The following IGF1R variants were observed in gnomAD, a reference collection of about 807,000 sequenced individuals.
The protein encoded by IGF1R is insulin-like growth factor 1 receptor.
Under a neutral mutation model 144.6 loss-of-function variants are expected in IGF1R, and 44 were observed. That is an observed-to-expected ratio of 0.30 (90% confidence interval 0.24 to 0.39). The LOEUF is 0.39. Among genes scored for constraint, IGF1R ranks in the 10% least tolerant of loss-of-function variants. The pLI, the probability that IGF1R is intolerant of heterozygous loss-of-function variation, is 1.00. For missense variants in IGF1R, 1,355 were observed against 1,833.7 expected, an observed-to-expected ratio of 0.74 and a Z score of 4.77; for synonymous variants, 795 against 722.8, an observed-to-expected ratio of 1.10 and a Z score of -1.60.
At chr15:98,868,053 T>G (rs140621540) in intron 2 of IGF1R, among the ~76,000 whole-genome samples, 7 of 151,962 alleles carry the variant, frequency 4.6e-5, no homozygotes, top group South Asian at 2.1e-4. Flanking sequence ...ATACAAAAAT[T>G]AGATGGTTGT....
intron 5 of IGF1R, 56 bp downstream of exon 5, chr15:98,899,677 T>C: frequency 6.4e-7 from 1 of 1,567,964 alleles, no homozygotes. Flanking sequence ...GCAGCGTGCT[T>C]ATGAAACTGT....
At chr15:98,818,330 A>T (rs1280605988) in intron 2 of IGF1R, among the ~76,000 whole-genome samples, 2 of 152,170 alleles carry the variant, frequency 1.3e-5, no homozygotes, top group Non-Finnish European at 2.9e-5. Flanking sequence ...AAGAGTGAGA[A>T]TTTACTCAAT....
intron 2 of IGF1R, among the ~76,000 whole-genome samples, chr15:98,768,884 C>T (rs1433129239): frequency 5.9e-5 from 9 of 151,746 alleles, no homozygotes; most frequent in Admixed American, 3.3e-4. Flanking sequence ...GCGGAGATCA[C>T]ACCACTGCAC....
chr15:98,874,979 A>C (rs1394564130), intron 2 of IGF1R, among the ~76,000 whole-genome samples: 1 of 152,188 alleles, frequency 6.6e-6, no homozygotes, highest in African/African-American at 2.4e-5. Context: ...TTCAGGTCAC[A>C]CTGATTGTTT....
intron 2 of IGF1R, among the ~76,000 whole-genome samples, chr15:98,817,198 A>G (rs2056712054): frequency 6.6e-6 from 1 of 152,042 alleles, no homozygotes; most frequent in Non-Finnish European, 1.5e-5. Flanking sequence ...GCTACTCGGG[A>G]GTCTGAAGCA....
rs140195279 is a variant in IGF1R at position 98,961,953 on chromosome 15, C to T, written c.*4511C>T. The T allele has an allele frequency of 1.5e-4, 36 of 233,286 alleles. No individual in the cohort carries two copies. Among genetic ancestry groups the T allele is most frequent in the East Asian group, 7.2e-4 (12 of 16,592 alleles). The allele number at this position is 233,286 out of a possible 1,614,324, so 14.5% of individuals were successfully genotyped here. ...CAGTCACTGTGGAACTACCAAATGGCGAGATGCTCGGTGCACATTGGGGTG... is the reference window on the plus strand; with the variant it reads ...CAGTCACTGTGGAACTACCAAATGGTGAGATGCTCGGTGCACATTGGGGTG... On this transcript the variant is annotated 3_prime_UTR_variant, in exon 21 of 21. Coordinates refer to ENST00000650285, the MANE Select transcript of IGF1R (RefSeq NM_000875.5).
intron 2 of IGF1R, among the ~76,000 whole-genome samples, chr15:98,801,385 A>C (rs1050801596): frequency 1.3e-5 from 2 of 152,234 alleles, no homozygotes; most frequent in Admixed American, 1.3e-4. Flanking sequence ...TGGGGGCAGA[A>C]CAAAGAGAGC....
intron 2 of IGF1R, among the ~76,000 whole-genome samples, chr15:98,855,795 T>C (rs2141571674): frequency 6.6e-6 from 1 of 152,330 alleles, no homozygotes; most frequent in African/African-American, 2.4e-5. Flanking sequence ...GACCAGTACT[T>C]GGAGCACAAC....
chr15:98,689,357 G>A (rs1157918680), intron 1 of IGF1R, among the ~76,000 whole-genome samples: 2 of 149,828 alleles, frequency 1.3e-5, no homozygotes, highest in African/African-American at 4.9e-5. Context: ...TCCTGCCTCA[G>A]CCTCCCAAGT....
chr15:98,796,339 T>G (rs1420712603), intron 2 of IGF1R, among the ~76,000 whole-genome samples: 1 of 152,228 alleles, frequency 6.6e-6, no homozygotes, highest in Non-Finnish European at 1.5e-5. Context: ...CTTTTCATTC[T>G]TGGAAAGATT....
chr15:98,725,050 A>C (rs1397278614), intron 2 of IGF1R, among the ~76,000 whole-genome samples: 1 of 152,246 alleles, frequency 6.6e-6, no homozygotes, highest in East Asian at 1.9e-4. Context: ...CTGAAGGCCC[A>C]GCTGGGGTTA....
Position 98,916,809 on chromosome 15 carries a change from G to A in IGF1R, c.2134G>A (p.Glu712Lys), listed in dbSNP as rs2151683124. 2.5e-6 allele frequency: 4 copies of A among 1,614,108 alleles called. No individual in the cohort carries two copies. The highest frequency in any genetic ancestry group is 3.4e-6 in the Non-Finnish European group (4 of 1,180,030). Reference sequence around the variant, plus strand: ...CAAAACTGAAGCCGAGAAGCAGGCCGAGAAGGAGGAGGCTGAATACCGCAA... The same window carrying A: ...CAAAACTGAAGCCGAGAAGCAGGCCAAGAAGGAGGAGGCTGAATACCGCAA... The part of the protein sequence containing the change: ...CPKTEAEKQA[E>K]KEEAEYRKVF... The change falls in exon 10 of 21, where the codon GAG (glutamate) becomes AAG (lysine). Residue 712 changes from glutamate to lysine, a missense_variant. Glu to Lys is a moderately conservative substitution (Grantham distance 56). This residue lies in a region of IGF1R where 880 missense variants were observed against 1,202.7 expected (regional missense o/e 0.73). Transcript: ENST00000650285.
At chr15:98,878,702 CAAA>C (rs988623885) in intron 2 of IGF1R, among the ~76,000 whole-genome samples, 5 of 90,900 alleles carry the variant, frequency 5.5e-5, no homozygotes, top group African/African-American at 1.7e-4. Flanking sequence ...AAAACAACAA[CAAA>C]AAAAAGGCCA....
At chr15:98,784,078 G>A (rs1192078226) in intron 2 of IGF1R, among the ~76,000 whole-genome samples, 2 of 137,208 alleles carry the variant, frequency 1.5e-5, no homozygotes, top group African/African-American at 5.5e-5. Context: ...GGGTTCAAGC[G>A]ATTCTCCTGC....
At position 98,703,433 on chromosome 15, in the gene IGF1R, G is replaced by A. The variant is rs190176582; in HGVS notation, c.95-4129G>A. On this transcript the variant is annotated intron_variant, in intron 1 of 20. Transcript: ENST00000650285. ...CTCCTGAACGCTGCTATCATTCATG[G>A]TCCAGCTTGGTTTTCTTTTTCACTG... 4.1e-4 allele frequency among the ~76,000 whole-genome samples: 62 copies of A among 152,142 alleles called. 2 individuals are homozygous for A. Among genetic ancestry groups the A allele is most frequent in the Non-Finnish European group, 2.6e-4 (18 of 68,012 alleles).
chr15:98,725,071 C>T (rs1269421267), intron 2 of IGF1R, among the ~76,000 whole-genome samples: 1 of 152,224 alleles, frequency 6.6e-6, no homozygotes, highest in African/African-American at 2.4e-5. Flanking sequence ...GAACCTGGGA[C>T]ACCCTCCAGC....
At chr15:98,895,338 G>T (rs957411904) in intron 3 of IGF1R, among the ~76,000 whole-genome samples, 1 of 151,930 alleles carries the variant, frequency 6.6e-6, no homozygotes, top group African/African-American at 2.4e-5. Context: ...TTGGATGAAG[G>T]CTATGTGGGA....
At chr15:98,797,551 C>T (rs1181898492) in intron 2 of IGF1R, among the ~76,000 whole-genome samples, 3 of 152,200 alleles carry the variant, frequency 2.0e-5, no homozygotes, top group South Asian at 2.1e-4. Flanking sequence ...GTTGGGGGAG[C>T]GGGGTGGTGT....
chr15:98,929,775 C>T, intron 14 of IGF1R, 115 bp downstream of exon 14: 2 of 762,842 alleles, frequency 2.6e-6, no homozygotes, highest in South Asian at 1.5e-5. Context: ...GACTGGAAAA[C>T]CTGATTTTCC....
Sources: gnomAD v4.1 joint callset for allele counts (sites outside exome capture counted in the v4.1 genomes callset) on GRCh38, gnomAD v4.1.1 for gene constraint, gnomAD v4.1.1 regional missense constraint, MANE v1.5 for transcripts, NCBI Gene and HGNC (gene_info 2026-07-23, HGNC 2026-07-21) for gene names.